The following PHF3 variants were observed in gnomAD, a reference collection of about 807,000 sequenced individuals.
The protein encoded by PHF3 is PHD finger protein 3.
A neutral mutation model predicts 178.4 loss-of-function variants in PHF3; 41 were observed. The observed-to-expected ratio is 0.23, with a 90% confidence interval of 0.18 to 0.30. The LOEUF is 0.30. Among genes scored for constraint, PHF3 ranks in the 10% least tolerant of loss-of-function variants. PHF3 has a pLI of 1.00. For synonymous variants in PHF3, 842 were observed against 800.5 expected (o/e 1.05, Z -0.88); for missense variants, 2,346 against 2,398.1 (o/e 0.98, Z 0.45).
intron 4 of PHF3, among the ~76,000 whole-genome samples, chr6:63,689,282 T>C (rs1431244934): frequency 6.6e-6 from 1 of 152,198 alleles, no homozygotes; most frequent in Non-Finnish European, 1.5e-5. Context: ...TACCTTGTGG[T>C]TTCTGTTTTT....
At chr6:63,659,509 G>A (rs1765377426) in intron 2 of PHF3, among the ~76,000 whole-genome samples, 1 of 152,088 alleles carries the variant, frequency 6.6e-6, no homozygotes, top group Admixed American at 6.5e-5. Flanking sequence ...AAAATGTGTG[G>A]ATGTTAATGT....
intron 2 of PHF3, among the ~76,000 whole-genome samples, chr6:63,661,934 A>G (rs1765485882): frequency 6.6e-6 from 1 of 152,142 alleles, no homozygotes; most frequent in Non-Finnish European, 1.5e-5. Context: ...GACTAGTACC[A>G]GTTTGGGGCC....
Position 63,721,429 on chromosome 6 carries a change from C to G in PHF3, c.*7721C>G. 6.4e-7 allele frequency: 1 copy of G among 1,551,638 alleles called. No individual in the cohort carries two copies. The highest frequency in any genetic ancestry group is 1.7e-4 in the Middle Eastern group (1 of 5,992). ...CCATCACAGTCACCTACATTTGAGC[C>G]ACCTTTTGCTCCAAATTCAGTTAAT... On this transcript the variant is annotated 3_prime_UTR_variant, in exon 16 of 16. Coordinates refer to ENST00000262043, the MANE Select transcript of PHF3 (RefSeq NM_001370348.2).
At chr6:63,646,868 T>C in intron 2 of PHF3, 73 bp downstream of exon 2, 2 of 1,107,296 alleles carry the variant, frequency 1.8e-6, no homozygotes, top group Non-Finnish European at 1.2e-6. Flanking sequence ...AGCAGCTTTT[T>C]CTTTTTTCTT....
At chr6:63,709,649 A>G (rs1767841639) in intron 14 of PHF3, among the ~76,000 whole-genome samples, 1 of 152,224 alleles carries the variant, frequency 6.6e-6, no homozygotes. Context: ...CAGCAGTCAA[A>G]CATACCAAAT....
chr6:63,725,916 T>C lies in PHF3; in HGVS notation c.*12208T>C, dbSNP rs1405058140. 1.3e-5 allele frequency among the ~76,000 whole-genome samples: 2 copies of C among 152,126 alleles called. No homozygotes were observed. The highest frequency in any genetic ancestry group is 6.5e-5 in the Admixed American group (1 of 15,274). ...ATACTTAGCAATAGAGATGTAACTA[T>C]ATGTGCAGATGTCTTTGTCAGAATT... On this transcript the variant is annotated 3_prime_UTR_variant, in exon 16 of 16. Coordinates refer to ENST00000262043, the MANE Select transcript of PHF3 (RefSeq NM_001370348.2).
intron 9 of PHF3, 144 bp downstream of exon 9, chr6:63,700,610 C>T (rs1374899898): frequency 7.8e-6 from 4 of 510,294 alleles, no homozygotes; most frequent in East Asian, 3.3e-5. Context: ...TTTGAGATGG[C>T]GTCTAGCTCA....
rs181348388 is a variant in PHF3 at position 63,706,596 on chromosome 6, A to G, written c.3564-133A>G. 13 of 693,016 alleles carry G rather than the reference A, an allele frequency of 1.9e-5. No individual in the cohort carries two copies. The South Asian group carries it at 2.1e-4, about 11-fold the overall frequency. The allele number at this position is 693,016 out of a possible 1,614,324, so 42.9% of individuals were successfully genotyped here. A position where few individuals can be genotyped will look rare whatever the true frequency, so the allele number is the denominator to read the frequency against. ...AATATGAATGTAATTTTATAAAATGAAAGTGTGAACTCTTTGTCAATAGCC... is the reference window on the plus strand; with the variant it reads ...AATATGAATGTAATTTTATAAAATGGAAGTGTGAACTCTTTGTCAATAGCC... On this transcript the variant is annotated intron_variant, in intron 12 of 15. Transcript: ENST00000262043.
In PHF3 at chr6:63,711,235, A is replaced by G; in HGVS notation, c.3870A>G (p.Ala1290=). ...EDQISYTLLF[A]YFSSRKRYGV... ...AAATTTCTTATACTTTGCTCTTTGC[A>G]TACTTCAGTAGCAGAAAGCGCTATG... is the stretch of plus-strand genomic sequence containing the variant. Residue 1290 remains alanine (A), a synonymous_variant, in exon 15 of 16, where the codon GCA becomes GCG. Transcript: ENST00000262043. The G allele has an allele frequency of 6.2e-7, 1 of 1,613,344 alleles. No individual in the cohort carries two copies. Among genetic ancestry groups the G allele is most frequent in the Non-Finnish European group, 8.5e-7 (1 of 1,179,460 alleles).
intron 13 of PHF3, 141 bp downstream of exon 13, chr6:63,707,017 G>T (rs1767722763): frequency 1.4e-6 from 1 of 713,946 alleles, no homozygotes; most frequent in Non-Finnish European, 2.2e-6. Context: ...ATATAATTAT[G>T]AATTAACAAA....
intron 1 of PHF3, 51 bp downstream of exon 1, chr6:63,636,201 C>T (rs1044633725): frequency 6.5e-5 from 24 of 368,070 alleles, no homozygotes; most frequent in Non-Finnish European, 1.1e-4. Flanking sequence ...CCTCCCCTCC[C>T]CCATCCCCTT....
At chr6:63,676,520 G>A (rs772362951) in intron 2 of PHF3, among the ~76,000 whole-genome samples, 1 of 152,110 alleles carries the variant, frequency 6.6e-6, no homozygotes, top group East Asian at 1.9e-4. Context: ...TTCATGCAGC[G>A]GGAATAGCAA....
chr6:63,712,544 T>C lies in PHF3; in HGVS notation c.4956T>C (p.Pro1652=), dbSNP rs1379829740. 1.2e-6 allele frequency: 2 copies of C among 1,613,594 alleles called. No individual in the cohort carries two copies. Among genetic ancestry groups the C allele is most frequent in the African/African-American group, 2.7e-5 (2 of 74,872 alleles). ...AGTTTATCAACCTGAAAAGGGATCCTAGGCAAGCAGCAGGACGAAGTCAGC... is the reference window on the plus strand; with the variant it reads ...AGTTTATCAACCTGAAAAGGGATCCCAGGCAAGCAGCAGGACGAAGTCAGC... ...SPQFINLKRD[P]RQAAGRSQPV... Residue 1652 remains proline, a synonymous_variant, in exon 16 of 16, where the codon CCT becomes CCC. Transcript: ENST00000262043.
At position 63,723,126 on chromosome 6, in the gene PHF3, T is replaced by C. The variant is rs1768470630; in HGVS notation, c.*9418T>C. Among the ~76,000 whole-genome samples, 1 of 152,216 alleles carries C rather than the reference T, an allele frequency of 6.6e-6. No individual in the cohort carries two copies. The highest frequency in any genetic ancestry group is 1.5e-5 in the Non-Finnish European group (1 of 68,034). ...GGGTTGAGATGACTCAGAATATTTC[T>C]CAAATAATAGTTTTAGCTTGAAAGC... On this transcript the variant is annotated 3_prime_UTR_variant, in exon 16 of 16. Coordinates refer to ENST00000262043, the MANE Select transcript of PHF3 (RefSeq NM_001370348.2).
intron 1 of PHF3, among the ~76,000 whole-genome samples, chr6:63,637,973 C>T (rs1764417196): frequency 6.6e-6 from 1 of 152,018 alleles, no homozygotes; most frequent in Non-Finnish European, 1.5e-5. Context: ...GTGAATTATG[C>T]ATTCTCTCTT....
Position 63,691,728 on chromosome 6 carries a change from G to C in PHF3, c.2190-9G>C. 6.4e-7 allele frequency: 1 copy of C among 1,563,012 alleles called. No homozygotes were observed. Among genetic ancestry groups the C allele is most frequent in the South Asian group, 1.2e-5 (1 of 84,198 alleles). Reference sequence around the variant, plus strand: ...AGGGATAAAAGTTTTTTGGTGTTCTGTTTTCCAGGTTTATGGTTGGCTGTG... The same window carrying C: ...AGGGATAAAAGTTTTTTGGTGTTCTCTTTTCCAGGTTTATGGTTGGCTGTG... On this transcript the variant is annotated splice_polypyrimidine_tract_variant and intron_variant, in intron 4 of 15. Coordinates refer to ENST00000262043, the MANE Select transcript of PHF3 (RefSeq NM_001370348.2).
intron 2 of PHF3, among the ~76,000 whole-genome samples, chr6:63,664,053 A>C (rs1280706108): frequency 6.6e-6 from 1 of 152,362 alleles, no homozygotes; most frequent in East Asian, 1.9e-4. Context: ...ACCCAGCTAA[A>C]AAATAGGAAT....
chr6:63,638,944 A>G (rs1188789115), intron 1 of PHF3, among the ~76,000 whole-genome samples: 1 of 152,100 alleles, frequency 6.6e-6, no homozygotes, highest in African/African-American at 2.4e-5. Context: ...CATACATGAG[A>G]CCCTGAGGCT....
chr6:63,723,309 A>G lies in PHF3; in HGVS notation c.*9601A>G, dbSNP rs143660414. Among the ~76,000 whole-genome samples, 587 of 152,320 alleles carry G rather than the reference A, an allele frequency of 3.9e-3. 3 individuals carry two copies. Among genetic ancestry groups the G allele is most frequent in the African/African-American group, 0.012 (510 of 41,588 alleles). On this transcript the variant is annotated 3_prime_UTR_variant, in exon 16 of 16. Transcript: ENST00000262043. The stretch of plus-strand genomic sequence containing the variant: ...TCAGATTAGGAAAGAAAAAATATAC[A>G]TTGGGTTATACCACCAAAAACTGGA...
Sources: allele counts gnomAD v4.1 joint callset (sites outside exome capture counted in the v4.1 genomes callset), GRCh38; gene constraint gnomAD v4.1.1; transcripts MANE v1.5; gene names NCBI Gene and HGNC (gene_info 2026-07-23, HGNC 2026-07-21).